The following ENO1 variants were observed in gnomAD, a reference collection of about 807,000 sequenced individuals.
ENO1 encodes enolase 1.
ENO1 carries 33 observed loss-of-function variants against 46.3 expected under a neutral mutation model. That is an observed-to-expected ratio of 0.71 (90% CI 0.54 to 0.95). The LOEUF (loss-of-function observed/expected upper bound fraction) is 0.95. Among genes scored for constraint, ENO1 ranks in the 40% least tolerant of loss-of-function variants. The probability of loss-of-function intolerance (pLI) is 0.00; values close to 1 mark genes in which losing one functional copy is unlikely to be tolerated. For missense variants in ENO1, 488 were observed against 553.3 expected (o/e 0.88, Z 1.18); for synonymous variants, 220 against 216.0 (o/e 1.02, Z -0.16).
chr1:8,870,405 C>T (rs372176939), intron 4 of ENO1, 47 bp downstream of exon 4: 32 of 1,612,812 alleles, frequency 2.0e-5, no homozygotes, highest in Middle Eastern at 3.3e-4. Flanking sequence ...GCCTGGGAGA[C>T]GCTCTGGTGG....
At chr1:8,869,429 C>G (rs200351729) in intron 4 of ENO1, among the ~76,000 whole-genome samples, 4 of 151,860 alleles carry the variant, frequency 2.6e-5, no homozygotes, top group Admixed American at 6.6e-5. Context: ...CCTAAACCAA[C>G]GAGTCAGGGA....
In ENO1 at chr1:8,861,611, C is replaced by T. The variant is rs1314350319; in HGVS notation, c.1236-182G>A. The stretch of plus-strand genomic sequence containing the variant: ...TCTAAACTTGTGCTTCTCTGAGAAG[C>T]CAGATATAGAAAAGTATTTAGTTCT... On this transcript the variant is annotated intron_variant, in intron 11 of 11. Transcript: ENST00000234590. Among the ~76,000 whole-genome samples the T allele has an allele frequency of 2.0e-5, 3 of 152,182 alleles. No homozygotes were observed. The South Asian group carries it at 6.2e-4, about 32-fold the overall frequency.
intron 11 of ENO1, among the ~76,000 whole-genome samples, chr1:8,862,469 A>G (rs1015841357): frequency 1.4e-4 from 22 of 152,326 alleles, no homozygotes; most frequent in Non-Finnish European, 2.6e-4. Flanking sequence ...CAGCGCTCAC[A>G]AGTGGAAACC....
At chr1:8,871,600 G>A (rs758635085) in intron 3 of ENO1, 33 of 1,184,330 alleles carry the variant, frequency 2.8e-5, no homozygotes, top group Non-Finnish European at 3.3e-5. Context: ...CTCATGCTTG[G>A]GTTCCTGTCC....
At chr1:8,863,427 A>T (rs866490479) in intron 9 of ENO1, 84 bp from the exon 10 acceptor site, 10 of 1,372,758 alleles carry the variant, frequency 7.3e-6, no homozygotes, top group Admixed American at 4.7e-5. Context: ...CGGTGCCAGC[A>T]GGAAAGCAGT....
chr1:8,865,603 T>C, intron 7 of ENO1, 121 bp from the exon 8 acceptor site: 1 of 912,182 alleles, frequency 1.1e-6, no homozygotes, highest in Non-Finnish European at 1.7e-6. Flanking sequence ...CCCCAACCAG[T>C]AGTTCTGACA....
rs572427606 is a variant in ENO1 at position 8,874,495 on chromosome 1, T to C, written c.85+329A>G. 5.7e-5 allele frequency among the ~76,000 whole-genome samples: 8 copies of C among 141,328 alleles called. No individual in the cohort carries two copies. The East Asian group carries it at 1.0e-3, about 18-fold the overall frequency. The allele number at this position is 141,328 out of a possible 152,430, so 92.7% of individuals were successfully genotyped here. ...TGGGAGGCTGAGACAGAAGAATTGCTTGAACCTGGGAGGCAGAGGTTGCAG... is the reference window on the plus strand; with the variant it reads ...TGGGAGGCTGAGACAGAAGAATTGCCTGAACCTGGGAGGCAGAGGTTGCAG... On this transcript the variant is annotated intron_variant, in intron 2 of 11. Coordinates refer to ENST00000234590, the MANE Select transcript of ENO1 (RefSeq NM_001428.5).
intron 2 of ENO1, 42 bp from the exon 3 acceptor site, chr1:8,872,028 C>T (rs775188417): frequency 1.3e-6 from 2 of 1,562,658 alleles, no homozygotes; most frequent in African/African-American, 1.4e-5. Flanking sequence ...TTCAGAAATC[C>T]AGTTCCAGCA....
chr1:8,872,596 T>C (rs537446793), intron 2 of ENO1, among the ~76,000 whole-genome samples: 39 of 152,268 alleles, frequency 2.6e-4, no homozygotes, highest in Admixed American at 7.2e-4. Context: ...TTGGCCAGGC[T>C]GGTCTTGAAC....
intron 1 of ENO1, among the ~76,000 whole-genome samples, chr1:8,875,175 G>C (rs910255401): frequency 6.6e-6 from 1 of 152,182 alleles, no homozygotes; most frequent in Non-Finnish European, 1.5e-5. Context: ...GGAACGCTAA[G>C]GGCGTGGGAG....
chr1:8,864,128 C>A, intron 8 of ENO1, 36 bp from the exon 9 acceptor site: 2 of 1,609,020 alleles, frequency 1.2e-6, no homozygotes, highest in Non-Finnish European at 1.7e-6. Context: ...TCAGTGTGAT[C>A]CTCCCAGTGT....
intron 4 of ENO1, among the ~76,000 whole-genome samples, chr1:8,869,968 T>A (rs889079496): frequency 4.0e-5 from 6 of 151,362 alleles, no homozygotes; most frequent in Non-Finnish European, 7.4e-5. Flanking sequence ...ACCTGCAGAG[T>A]CGGGTGGGTT....
chr1:8,870,587 T>G, intron 3 of ENO1, 77 bp from the exon 4 acceptor site: 1 of 1,598,506 alleles, frequency 6.3e-7, no homozygotes, highest in Non-Finnish European at 8.5e-7. Context: ...AGAGAACCAC[T>G]GTTGAGGCCG....
At position 8,866,186 on chromosome 1, in the gene ENO1, T is replaced by C. The variant is rs975246702; in HGVS notation, c.667+93A>G. The C allele has an allele frequency of 2.5e-5, 28 of 1,104,192 alleles. No homozygotes were observed. The Middle Eastern group carries it at 7.9e-4, about 31-fold the overall frequency. 68.4% of individuals were successfully genotyped at this position (1,104,192 alleles called of 1,614,324 possible). The stretch of plus-strand genomic sequence containing the variant: ...CTTTACAAACTACAGGTGGAAAGAA[T>C]AGATTTCCACAGTGGCAGGTGTGGA... On this transcript the variant is annotated intron_variant, in intron 7 of 11. Coordinates refer to ENST00000234590, the MANE Select transcript of ENO1 (RefSeq NM_001428.5).
chr1:8,870,848 G>T lies in ENO1; in HGVS notation c.182-338C>A. The stretch of plus-strand genomic sequence containing the variant: ...ACCTGAGTGCACAGGGCTGGTGCCA[G>T]GAACTCATTAATATACTTAATGGGT... On this transcript the variant is annotated intron_variant, in intron 3 of 11. Coordinates refer to ENST00000234590, the MANE Select transcript of ENO1 (RefSeq NM_001428.5). 2.2e-6 allele frequency: 3 copies of T among 1,333,826 alleles called. 1 individual carries two copies. The allele number at this position is 1,333,826 out of a possible 1,614,324, so 82.6% of individuals were successfully genotyped here.
chr1:8,867,728 C>T (rs1385276581), intron 5 of ENO1, among the ~76,000 whole-genome samples: 1 of 152,076 alleles, frequency 6.6e-6, no homozygotes, highest in East Asian at 1.9e-4. Flanking sequence ...GACGGGGTTT[C>T]ACCACGTTGG....
chr1:8,869,235 A>G (rs1642582399), intron 4 of ENO1, among the ~76,000 whole-genome samples: 1 of 152,074 alleles, frequency 6.6e-6, no homozygotes, highest in East Asian at 1.9e-4. Flanking sequence ...GGTTAAAAAA[A>G]AGTCAGGGGA....
Position 8,865,289 on chromosome 1 carries a change from G to T in ENO1, c.861C>A (p.Tyr287Ter). The T allele has an allele frequency of 6.2e-7, 1 of 1,614,130 alleles. No individual in the cohort carries two copies. Among genetic ancestry groups the T allele is most frequent in the Non-Finnish European group, 8.5e-7 (1 of 1,179,992 alleles). ...TGGCACTCGGGGAACACTCACCTGGGTAGTCCTTGATGAAGGACTTGTACA... is the reference window on the plus strand; with the variant it reads ...TGGCACTCGGGGAACACTCACCTGGTTAGTCCTTGATGAAGGACTTGTACA... Reference protein sequence around the residue: ...ADLYKSFIKDYPVVSIEDPFD... With the variant: ...ADLYKSFIKD The change falls in exon 8 of 12, where the codon TAC becomes TAA. Residue 287 changes from tyrosine to a stop codon, truncating the protein, a stop_gained. Transcript: ENST00000234590. LOFTEE classifies it high-confidence loss of function.
chr1:8,867,891 T>C, intron 5 of ENO1, 97 bp downstream of exon 5: 1 of 1,069,308 alleles, frequency 9.4e-7, no homozygotes, highest in Non-Finnish European at 1.4e-6. Flanking sequence ...CTCATGTAGC[T>C]CATCACTAAG....
Sources: allele counts gnomAD v4.1 joint callset (sites outside exome capture counted in the v4.1 genomes callset), GRCh38; gene constraint gnomAD v4.1.1; transcripts MANE v1.5; gene names NCBI Gene and HGNC (gene_info 2026-07-23, HGNC 2026-07-21).